IL34: variants seen among roughly 807,000 people sequenced by gnomAD.
IL34 encodes the protein interleukin-34.
Under a neutral mutation model 25.3 loss-of-function variants are expected in IL34, and 17 were observed. That is an observed-to-expected ratio of 0.67 (90% CI 0.46 to 1.01). IL34 has a LOEUF of 1.01. Ranked by LOEUF, IL34 falls within the 50% of genes least tolerant of loss-of-function variation. The pLI is 0.00. For synonymous variants in IL34, 174 were observed against 140.9 expected (o/e 1.23, Z -1.66); for missense variants, 368 against 312.9 (o/e 1.18, Z -1.33).
chr16:70,652,138 T>C (rs1044354505), intron 1 of IL34, among the ~76,000 whole-genome samples: 3 of 142,656 alleles, frequency 2.1e-5, no homozygotes, highest in Non-Finnish European at 4.5e-5. Context: ...AAAAAAAAAA[T>C]AAATAAAAAT....
chr16:70,653,064 G>A (rs1195430252), intron 1 of IL34, among the ~76,000 whole-genome samples: 2 of 152,090 alleles, frequency 1.3e-5, no homozygotes, highest in African/African-American at 2.4e-5. Flanking sequence ...ATATTGGCCG[G>A]GTGTAGTAGC....
At chr16:70,613,616 G>A (rs1017194402) in intron 1 of IL34, among the ~76,000 whole-genome samples, 1 of 152,156 alleles carries the variant, frequency 6.6e-6, no homozygotes, top group Non-Finnish European at 1.5e-5. Context: ...GCTCACACCT[G>A]TAATCCCAAC....
intron 1 of IL34, among the ~76,000 whole-genome samples, chr16:70,636,840 TA>T (rs1194840015): frequency 1.3e-5 from 2 of 151,644 alleles, no homozygotes; most frequent in African/African-American, 4.8e-5. Context: ...TATAACAACA[TA>T]ACATGATTCT....
intron 1 of IL34, among the ~76,000 whole-genome samples, chr16:70,618,462 G>A (rs1017174523): frequency 6.6e-6 from 1 of 152,196 alleles, no homozygotes; most frequent in Admixed American, 6.5e-5. Context: ...CGTCAGGTAT[G>A]AGGAAGAAAA....
rs766369667 is a variant in IL34 at position 70,654,532 on chromosome 16, C to T, written c.29-6C>T. On this transcript the variant is annotated splice_polypyrimidine_tract_variant and splice_region_variant and intron_variant, in intron 1 of 5. Transcript: ENST00000288098. ...CTCATGTGCTCTTGTCGGGTGTGGT[C>T]CACAGATCTTGGGATCTTCCTTGGC... 8 of 1,605,598 alleles carry T rather than the reference C, an allele frequency of 5.0e-6. No individual in the cohort carries two copies. Among genetic ancestry groups the T allele is most frequent in the Non-Finnish European group, 6.8e-6 (8 of 1,173,970 alleles).
At chr16:70,584,528 C>T (rs1445100500) in intron 1 of IL34, among the ~76,000 whole-genome samples, 2 of 152,188 alleles carry the variant, frequency 1.3e-5, no homozygotes, top group Admixed American at 1.3e-4. Context: ...GCAGAGCTTT[C>T]TGGGGTGCTC....
chr16:70,612,875 T>TC (rs1376674088), intron 1 of IL34, among the ~76,000 whole-genome samples: 1 of 152,182 alleles, frequency 6.6e-6, no homozygotes, highest in Admixed American at 6.5e-5. Flanking sequence ...AACCTCTGCC[T>TC]CCCCGGTTAA....
At chr16:70,605,301 G>C (rs996225478) in intron 1 of IL34, among the ~76,000 whole-genome samples, 8 of 152,180 alleles carry the variant, frequency 5.3e-5, no homozygotes, top group African/African-American at 1.9e-4. Context: ...CTCATCAAAT[G>C]CAAGTGTCCA....
At chr16:70,623,893 T>C (rs1489542960) in intron 1 of IL34, among the ~76,000 whole-genome samples, 1 of 150,574 alleles carries the variant, frequency 6.6e-6, no homozygotes, top group Non-Finnish European at 1.5e-5. Flanking sequence ...ACAACAGTTA[T>C]GGAGGCAAGG....
At chr16:70,615,098 CCT>C (rs1555503730) in intron 1 of IL34, among the ~76,000 whole-genome samples, 1 of 152,172 alleles carries the variant, frequency 6.6e-6, no homozygotes, top group African/African-American at 2.4e-5. Context: ...CTATGGCTCC[CCT>C]GTTACCCCCC....
intron 1 of IL34, among the ~76,000 whole-genome samples, chr16:70,635,853 C>T (rs2051630310): frequency 2.0e-5 from 3 of 152,076 alleles, no homozygotes; most frequent in Admixed American, 6.6e-5. Context: ...AGCTCATGTT[C>T]TAAGTTTTCT....
intron 1 of IL34, among the ~76,000 whole-genome samples, chr16:70,624,013 TG>T (rs2051336442): frequency 1.3e-5 from 2 of 151,544 alleles, no homozygotes; most frequent in South Asian, 4.2e-4. Flanking sequence ...GCGTCTGTGA[TG>T]GTCTACGGGG....
chr16:70,637,611 C>G (rs2051685441), intron 1 of IL34, among the ~76,000 whole-genome samples: 1 of 152,156 alleles, frequency 6.6e-6, no homozygotes, highest in South Asian at 2.1e-4. Flanking sequence ...TCCCAAAATG[C>G]TGGGATCACA....
At chr16:70,634,679 CAAAA>C (rs35353668) in intron 1 of IL34, among the ~76,000 whole-genome samples, 2 of 117,822 alleles carry the variant, frequency 1.7e-5, no homozygotes, top group African/African-American at 6.4e-5. Flanking sequence ...GATTCCGAAT[CAAAA>C]AAAAAAAAAA....
chr16:70,630,773 A>G (rs1160282596), intron 1 of IL34, among the ~76,000 whole-genome samples: 1 of 151,926 alleles, frequency 6.6e-6, no homozygotes, highest in African/African-American at 2.4e-5. Flanking sequence ...GGGTTTCGCC[A>G]TGTTGCCCAG....
At chr16:70,621,163 A>G (rs1163432483) in intron 1 of IL34, among the ~76,000 whole-genome samples, 2 of 152,106 alleles carry the variant, frequency 1.3e-5, no homozygotes, top group Non-Finnish European at 2.9e-5. Context: ...CCAGGAAAGC[A>G]GGACTTGCCG....
chr16:70,586,249 G>A (rs989704505), intron 1 of IL34, among the ~76,000 whole-genome samples: 8 of 152,232 alleles, frequency 5.3e-5, no homozygotes, highest in Non-Finnish European at 8.8e-5. Context: ...TAGCTATTGC[G>A]AATAACGCTT....
intron 2 of IL34, 91 bp downstream of exon 2, chr16:70,654,762 C>T (rs2052171898): frequency 2.7e-6 from 4 of 1,468,064 alleles, no homozygotes; most frequent in Non-Finnish European, 2.8e-6. Context: ...CTTCTTAGGA[C>T]CTGTGTCAGC....
At chr16:70,649,953 T>A (rs1028350836) in intron 1 of IL34, among the ~76,000 whole-genome samples, 16 of 152,058 alleles carry the variant, frequency 1.1e-4, no homozygotes, top group Non-Finnish European at 1.9e-4. Context: ...CACCTGCCAC[T>A]GCGCCTGGCT....
Sources: gnomAD v4.1 joint callset for allele counts (sites outside exome capture counted in the v4.1 genomes callset) on GRCh38, gnomAD v4.1.1 for gene constraint, MANE v1.5 for transcripts, NCBI Gene and HGNC (gene_info 2026-07-23, HGNC 2026-07-21) for gene names.